The following TLR6 variants were observed in gnomAD, a reference collection of about 807,000 sequenced individuals.
TLR6 encodes the protein toll-like receptor 6.
Under a neutral mutation model 16.1 loss-of-function variants are expected in TLR6, and 9 were observed. The observed-to-expected ratio is 0.56, with a 90% CI of 0.34 to 0.98. The LOEUF (loss-of-function observed/expected upper bound fraction) is 0.98, where lower values mean the gene tolerates loss of function less well. Among genes scored for constraint, TLR6 ranks in the 50% least tolerant of loss-of-function variants. The pLI is 0.02. For synonymous variants in TLR6, 340 were observed against 338.6 expected (o/e 1.00, Z -0.04); for missense variants, 786 against 921.0 (o/e 0.85, Z 1.90).
intron 1 of TLR6, among the ~76,000 whole-genome samples, chr4:38,841,774 C>T (rs190485451): frequency 2.9e-4 from 44 of 152,218 alleles, no homozygotes; most frequent in African/African-American, 8.2e-4. Context: ...GCAGCAGTTA[C>T]GTAAGCCATT....
At chr4:38,868,023 C>T in the TLR6 span, 3 of 420,824 alleles carry the variant, frequency 7.1e-6, no homozygotes, top group African/African-American at 2.1e-5. Flanking sequence ...TCTGGGGCGG[C>T]GCGGCCGAGG....
the TLR6 span, among the ~76,000 whole-genome samples, chr4:38,866,318 C>T: frequency 6.6e-6 from 1 of 150,510 alleles, no homozygotes; most frequent in South Asian, 2.1e-4. Flanking sequence ...ATGGTGAAAC[C>T]CCGTCTCTAC....
At chr4:38,842,856 T>C (rs1481341949) in intron 1 of TLR6, among the ~76,000 whole-genome samples, 1 of 152,082 alleles carries the variant, frequency 6.6e-6, no homozygotes, top group Non-Finnish European at 1.5e-5. Context: ...ACTGTGCTTT[T>C]TTTTTTTAAT....
At chr4:38,846,099 A>AG (rs1378154231) in intron 1 of TLR6, among the ~76,000 whole-genome samples, 10 of 150,714 alleles carry the variant, frequency 6.6e-5, no homozygotes, top group African/African-American at 2.4e-4. Context: ...AAAAAAAAAA[A>AG]AAAAAAAAGA....
intron 1 of TLR6, among the ~76,000 whole-genome samples, chr4:38,842,852 C>CT (rs200422208): frequency 0.21 from 31,320 of 148,514 alleles, 3,843 homozygotes; most frequent in Non-Finnish European, 0.28. Flanking sequence ...ATATACTGTG[C>CT]TTTTTTTTTT....
chr4:38,842,268 G>T (rs1712299497), intron 1 of TLR6, among the ~76,000 whole-genome samples: 1 of 152,200 alleles, frequency 6.6e-6, no homozygotes, highest in Admixed American at 6.5e-5. Context: ...TGGGAGGGCA[G>T]ATGAGGACTG....
At chr4:38,848,628 G>C (rs888345194) in intron 1 of TLR6, among the ~76,000 whole-genome samples, 1 of 152,194 alleles carries the variant, frequency 6.6e-6, no homozygotes, top group Non-Finnish European at 1.5e-5. Context: ...ACTATGTGAC[G>C]AATGCACAAG....
chr4:38,841,416 C>A (rs1401210363), intron 1 of TLR6, among the ~76,000 whole-genome samples: 2 of 152,096 alleles, frequency 1.3e-5, no homozygotes, highest in Non-Finnish European at 2.9e-5. Context: ...CACAGTGAAA[C>A]CCTGTCTCTA....
upstream of TLR6, among the ~76,000 whole-genome samples, chr4:38,858,525 G>T (rs1713078721): frequency 6.6e-6 from 1 of 151,970 alleles, no homozygotes; most frequent in Non-Finnish European, 1.5e-5. Flanking sequence ...TTCGAGACCG[G>T]CTTGGCTAAC....
At chr4:38,842,985 G>A (rs1187452139) in intron 1 of TLR6, among the ~76,000 whole-genome samples, 1 of 152,080 alleles carries the variant, frequency 6.6e-6, no homozygotes, top group Non-Finnish European at 1.5e-5. Flanking sequence ...TTCAGCACAT[G>A]ATAATCTGAA....
At chr4:38,861,986 A>G in the TLR6 span, among the ~76,000 whole-genome samples, 1 of 152,244 alleles carries the variant, frequency 6.6e-6, no homozygotes, top group African/African-American at 2.4e-5. Context: ...TAGTTGCTAA[A>G]ACATTCTTGT....
At chr4:38,830,263 C>T (rs1449579109) in intron 1 of TLR6, among the ~76,000 whole-genome samples, 2 of 152,146 alleles carry the variant, frequency 1.3e-5, no homozygotes, top group East Asian at 3.8e-4. Flanking sequence ...TTTGTTTTTG[C>T]TCCAGATGTT....
intron 1 of TLR6, among the ~76,000 whole-genome samples, chr4:38,830,638 C>T (rs1266285128): frequency 1.3e-5 from 2 of 152,000 alleles, no homozygotes; most frequent in Admixed American, 1.3e-4. Context: ...TGTTTGGGGC[C>T]GAGGAAGTCG....
intron 1 of TLR6, among the ~76,000 whole-genome samples, chr4:38,835,932 G>A (rs760496124): frequency 6.6e-6 from 1 of 151,930 alleles, no homozygotes; most frequent in Non-Finnish European, 1.5e-5. Context: ...AAATTAAAAT[G>A]CAAATACAGC....
At chr4:38,827,481 C>G in exon 2 of TLR6, 1 of 1,614,172 alleles carries the variant, frequency 6.2e-7, no homozygotes. Flanking sequence ...TCTTCTTTTT[C>G]TAGGTAAGGT....
intron 1 of TLR6, among the ~76,000 whole-genome samples, chr4:38,837,952 T>C (rs567510623): frequency 6.6e-6 from 1 of 152,196 alleles, no homozygotes; most frequent in South Asian, 2.1e-4. Flanking sequence ...AATAGACATT[T>C]CTCAAAAGAA....
intron 1 of TLR6, among the ~76,000 whole-genome samples, chr4:38,837,824 C>T (rs73146534): frequency 4.3e-4 from 66 of 151,928 alleles, no homozygotes; most frequent in African/African-American, 1.3e-3. Context: ...GTTAAATGGG[C>T]GAAAATATTT....
intron 1 of TLR6, among the ~76,000 whole-genome samples, chr4:38,846,737 A>AAGAAGGGAGAAGGG (rs146881574): frequency 2.0e-5 from 3 of 151,734 alleles, no homozygotes; most frequent in Non-Finnish European, 4.4e-5. Context: ...TGCCAATGAT[A>AAGAAGGGAGAAGGG]AGAAGGGAGA....
intron 1 of TLR6, chr4:38,843,822 G>A (rs1157791625): frequency 1.3e-5 from 2 of 152,114 alleles, no homozygotes; most frequent in African/African-American, 4.8e-5. Flanking sequence ...AAATGTAATG[G>A]CAGGATCCAG....
Sources: allele counts gnomAD v4.1 joint callset (sites outside exome capture counted in the v4.1 genomes callset), GRCh38; gene constraint gnomAD v4.1.1; transcripts MANE v1.5; gene names NCBI Gene and HGNC (gene_info 2026-07-23, HGNC 2026-07-21).